ZNF487: variants seen among roughly 807,000 people sequenced by gnomAD.
The protein encoded by ZNF487 is zinc finger protein 487.
ZNF487 carries 4 observed loss-of-function variants against 3.0 expected under a neutral mutation model. That is an observed-to-expected ratio of 1.35 (90% confidence interval 0.66 to 3.08). ZNF487 has a LOEUF of 3.08. Ranked by LOEUF, ZNF487 falls within the 30% of genes most tolerant of loss-of-function variation. The pLI is 0.01. For missense variants in ZNF487, 146 were observed against 98.7 expected (o/e 1.48, Z -2.03); for synonymous variants, 55 against 34.6 (o/e 1.59, Z -2.06).
At chr10:43,499,561 G>A in the ZNF487 span, among the ~76,000 whole-genome samples, 1 of 151,926 alleles carries the variant, frequency 6.6e-6, no homozygotes, top group African/African-American at 2.4e-5. Flanking sequence ...AGACTAGCCT[G>A]GGCACACGGC....
At chr10:43,465,593 G>A (rs1394376799) in intron 1 of ZNF487, among the ~76,000 whole-genome samples, 2 of 151,358 alleles carry the variant, frequency 1.3e-5, no homozygotes, top group Non-Finnish European at 2.9e-5. Context: ...GATGATGGGC[G>A]GCCGGGCAGA....
chr10:43,500,593 C>G, the ZNF487 span, among the ~76,000 whole-genome samples: 4 of 152,130 alleles, frequency 2.6e-5, no homozygotes, highest in Non-Finnish European at 5.9e-5. Context: ...CCTCTGCCTC[C>G]CGGGCTCAGC....
the ZNF487 span, among the ~76,000 whole-genome samples, chr10:43,512,139 C>T: frequency 6.6e-6 from 1 of 152,328 alleles, no homozygotes; most frequent in African/African-American, 2.4e-5. Context: ...CTGCAGCTGT[C>T]CACTTTCAGG....
At chr10:43,440,533 C>G (rs989429315) in intron 1 of ZNF487, among the ~76,000 whole-genome samples, 1 of 151,976 alleles carries the variant, frequency 6.6e-6, no homozygotes, top group African/African-American at 2.4e-5. Context: ...TAATGCTTAC[C>G]TGTAGTCCCA....
At chr10:43,456,795 G>T (rs965266906) in intron 1 of ZNF487, among the ~76,000 whole-genome samples, 1 of 152,096 alleles carries the variant, frequency 6.6e-6, no homozygotes, top group South Asian at 2.1e-4. Context: ...TGGCCAGGCT[G>T]GTCTTGAACT....
chr10:43,508,403 A>T, the ZNF487 span, among the ~76,000 whole-genome samples: 1 of 152,236 alleles, frequency 6.6e-6, no homozygotes, highest in African/African-American at 2.4e-5. Context: ...AGCACTTATG[A>T]CCTTAAAATG....
the ZNF487 span, among the ~76,000 whole-genome samples, chr10:43,498,089 ATATATATATATTTTTTTTTTTTTTCTTT>A: frequency 6.8e-4 from 10 of 14,618 alleles, 1 homozygote; most frequent in South Asian, 2.9e-3. Context: ...ATATATATAT[ATATATATATATTTTTTTTTTTTTTCTTT>A]TTTTTTTTTT....
At chr10:43,443,529 G>A (rs1408985666) in intron 1 of ZNF487, among the ~76,000 whole-genome samples, 10 of 148,058 alleles carry the variant, frequency 6.8e-5, no homozygotes, top group African/African-American at 2.3e-4. Flanking sequence ...ACATGCCACC[G>A]CACCCAGCTA....
chr10:43,502,232 G>T, the ZNF487 span, among the ~76,000 whole-genome samples: 27,473 of 152,118 alleles, frequency 0.18, 2,674 homozygotes, highest in Non-Finnish European at 0.2. Flanking sequence ...GTCTTTTGTA[G>T]GGACATGGAT....
At chr10:43,471,107 G>A (rs1383693172) in intron 1 of ZNF487, among the ~76,000 whole-genome samples, 1 of 152,114 alleles carries the variant, frequency 6.6e-6, no homozygotes, top group South Asian at 2.1e-4. Context: ...ATGTTTATGT[G>A]TAGTCCTTGG....
chr10:43,466,353 G>A (rs979416665), intron 1 of ZNF487, among the ~76,000 whole-genome samples: 1 of 150,768 alleles, frequency 6.6e-6, no homozygotes, highest in African/African-American at 2.4e-5. Flanking sequence ...TGGCATATTT[G>A]TTTATAGCAT....
At chr10:43,479,995 C>A (rs1564428779) in intron 3 of ZNF487, among the ~76,000 whole-genome samples, 1 of 69,328 alleles carries the variant, frequency 1.4e-5, no homozygotes, top group Admixed American at 1.8e-4. Context: ...TTCTTTCTTT[C>A]TTTCTTTCTT....
the ZNF487 span, among the ~76,000 whole-genome samples, chr10:43,509,526 C>T: frequency 1.3e-5 from 2 of 150,756 alleles, no homozygotes; most frequent in African/African-American, 4.9e-5. Context: ...CACAAGGCCC[C>T]ACAACACGCC....
At chr10:43,473,346 C>T (rs1203824481) in intron 1 of ZNF487, among the ~76,000 whole-genome samples, 1 of 151,938 alleles carries the variant, frequency 6.6e-6, no homozygotes, top group Non-Finnish European at 1.5e-5. Context: ...TCCCAAAGTG[C>T]TGAGACTAGA....
At chr10:43,510,854 C>G in the ZNF487 span, among the ~76,000 whole-genome samples, 1 of 152,208 alleles carries the variant, frequency 6.6e-6, no homozygotes, top group Admixed American at 6.5e-5. Flanking sequence ...CCCTGTAACT[C>G]CCTTCTTAGC....
chr10:43,501,776 C>G, the ZNF487 span, among the ~76,000 whole-genome samples: 1 of 109,208 alleles, frequency 9.2e-6, no homozygotes, highest in Non-Finnish European at 1.9e-5. Flanking sequence ...CCCACAAAAC[C>G]TTTTAACTTT....
the ZNF487 span, among the ~76,000 whole-genome samples, chr10:43,505,560 G>C: frequency 6.6e-6 from 1 of 152,190 alleles, no homozygotes; most frequent in Non-Finnish European, 1.5e-5. Context: ...TGAGATTACA[G>C]GTGTGAGCCA....
intron 1 of ZNF487, among the ~76,000 whole-genome samples, chr10:43,441,130 C>T (rs1449752813): frequency 7.7e-6 from 1 of 130,084 alleles, no homozygotes; most frequent in Non-Finnish European, 1.6e-5. Flanking sequence ...CTTAAGCAAT[C>T]CTTCCACCTC....
the ZNF487 span, chr10:43,496,095 T>A: frequency 5.6e-6 from 3 of 533,732 alleles, no homozygotes; most frequent in Non-Finnish European, 1.2e-5. Flanking sequence ...GAGAGGACCC[T>A]GTACATGAAT....
Sources: allele counts gnomAD v4.1 joint callset (sites outside exome capture counted in the v4.1 genomes callset), GRCh38; gene constraint gnomAD v4.1.1; transcripts MANE v1.5; gene names NCBI Gene and HGNC (gene_info 2026-07-23, HGNC 2026-07-21).